TSHZ2: variants seen among roughly 807,000 people sequenced by gnomAD.
TSHZ2 encodes the protein teashirt homolog 2.
Under a neutral mutation model 74.4 loss-of-function variants are expected in TSHZ2, and 21 were observed. The observed-to-expected ratio is 0.28, with a 90% CI of 0.20 to 0.41. TSHZ2 has a LOEUF of 0.41. Ranked by LOEUF, TSHZ2 falls within the 10% of genes least tolerant of loss-of-function variation. The probability of loss-of-function intolerance (pLI) is 1.00; values close to 1 mark genes in which losing one functional copy is unlikely to be tolerated. For synonymous variants in TSHZ2, 540 were observed against 515.3 expected (o/e 1.05, Z -0.65); for missense variants, 1,244 against 1,293.5 (o/e 0.96, Z 0.59).
intron 1 of TSHZ2, among the ~76,000 whole-genome samples, chr20:53,173,299 G>T (rs943220597): frequency 2.8e-4 from 42 of 152,168 alleles, no homozygotes; most frequent in Admixed American, 1.3e-4. Flanking sequence ...AAAATGCTAG[G>T]TAAGTATTTA....
In TSHZ2 at chr20:53,255,777, G is replaced by C. The variant is rs1243752084; in HGVS notation, c.2319G>C (p.Lys773Asn). Residue 773 changes from lysine to asparagine, a missense_variant, in exon 2 of 3, where the codon AAG becomes AAC. By Grantham distance (94) the Lys-to-Asn change is moderately conservative. This residue lies in a region of TSHZ2 where 562 missense variants were observed against 544.0 expected (regional missense o/e 1.03). Coordinates refer to ENST00000371497, the MANE Select transcript of TSHZ2 (RefSeq NM_173485.6). This position sits in a 1 kb window ranked among gnomAD's most constrained non-coding sequence, Gnocchi z 4.1. ...TTGACCTGACCAAGTCCAAAAGCAA[G>C]AAAGCCGAGTCCTCGCAAGCACAAT... ...QPIDLTKSKS[K>N]KAESSQAQSC... 6.2e-7 allele frequency: 1 copy of C among 1,614,014 alleles called. No individual in the cohort carries two copies. The highest frequency in any genetic ancestry group is 1.1e-5 in the South Asian group (1 of 91,050).
intron 2 of TSHZ2, among the ~76,000 whole-genome samples, chr20:53,312,672 G>A (rs1301663822): frequency 6.6e-6 from 1 of 152,172 alleles, no homozygotes; most frequent in Non-Finnish European, 1.5e-5. Flanking sequence ...TGAGCACGCT[G>A]TTCCGAGTTC....
chr20:53,068,304 C>A (rs189203995), intron 1 of TSHZ2, among the ~76,000 whole-genome samples: 1 of 152,140 alleles, frequency 6.6e-6, no homozygotes, highest in Non-Finnish European at 1.5e-5. Context: ...GTCTATGGAT[C>A]CCGAGTCCTG....
chr20:53,381,471 T>A (rs1435177849), intron 2 of TSHZ2, among the ~76,000 whole-genome samples: 1 of 152,208 alleles, frequency 6.6e-6, no homozygotes, highest in Non-Finnish European at 1.5e-5. Flanking sequence ...GCTTGCTCCC[T>A]GGTAAGGAAA....
intron 1 of TSHZ2, among the ~76,000 whole-genome samples, chr20:53,225,259 C>T (rs1984775773): frequency 6.6e-6 from 1 of 152,206 alleles, no homozygotes; most frequent in South Asian, 2.1e-4. Flanking sequence ...TTCCCACTCA[C>T]CTCCTCCCAT....
intron 2 of TSHZ2, among the ~76,000 whole-genome samples, chr20:53,468,248 A>G (rs1222453049): frequency 6.6e-6 from 1 of 152,228 alleles, no homozygotes; most frequent in African/African-American, 2.4e-5. Context: ...TCAGCAGTTA[A>G]GACTCCATAA....
At chr20:53,027,579 G>A (rs945344306) in intron 1 of TSHZ2, among the ~76,000 whole-genome samples, 5 of 152,182 alleles carry the variant, frequency 3.3e-5, no homozygotes, top group African/African-American at 7.2e-5. Flanking sequence ...AAGACGCTGC[G>A]TTCAAGGTAC....
intron 1 of TSHZ2, among the ~76,000 whole-genome samples, chr20:53,174,881 T>C (rs1568795143): frequency 6.6e-6 from 1 of 152,022 alleles, no homozygotes; most frequent in Non-Finnish European, 1.5e-5. Flanking sequence ...AAGGAGGAAA[T>C]GGATCAAGAG....
In TSHZ2 at chr20:53,427,356, T is replaced by C. The variant is rs539896657; in HGVS notation, c.*9-59788T>C. 1.8e-4 allele frequency among the ~76,000 whole-genome samples: 28 copies of C among 152,328 alleles called. No homozygotes were observed. In the East Asian group the frequency reaches 5.0e-3, roughly 27 times the overall value. On this transcript the variant is annotated intron_variant, in intron 2 of 2. Coordinates refer to ENST00000371497, the MANE Select transcript of TSHZ2 (RefSeq NM_173485.6). Reference sequence around the variant, plus strand: ...CTACTCATAAAGAGAATCAAACCTTTGTGGAGAGACGCGAGGTATGATTTC... The same window carrying C: ...CTACTCATAAAGAGAATCAAACCTTCGTGGAGAGACGCGAGGTATGATTTC...
intron 1 of TSHZ2, among the ~76,000 whole-genome samples, chr20:53,170,692 TG>T (rs1988177988): frequency 6.6e-6 from 1 of 152,270 alleles, no homozygotes; most frequent in Admixed American, 6.5e-5. Flanking sequence ...ATGTGTGGTA[TG>T]AAAAAAGGTT....
chr20:53,002,910 G>T (rs1033567647), intron 1 of TSHZ2, among the ~76,000 whole-genome samples: 2 of 152,094 alleles, frequency 1.3e-5, no homozygotes, highest in Admixed American at 1.3e-4. Context: ...CATTCCCAGG[G>T]CCTATTGATT....
At chr20:53,175,770 G>A (rs772371068) in intron 1 of TSHZ2, among the ~76,000 whole-genome samples, 1 of 152,134 alleles carries the variant, frequency 6.6e-6, no homozygotes, top group Non-Finnish European at 1.5e-5. Flanking sequence ...CAGATTGGTG[G>A]TACCCCGACC....
At chr20:53,083,986 AT>A (rs1295787271) in intron 1 of TSHZ2, among the ~76,000 whole-genome samples, 2 of 151,970 alleles carry the variant, frequency 1.3e-5, no homozygotes, top group African/African-American at 4.8e-5. Context: ...AGTTTCTCTG[AT>A]TTAAAAAAAC....
chr20:53,154,877 T>C (rs1160572232), intron 1 of TSHZ2, among the ~76,000 whole-genome samples: 2 of 152,164 alleles, frequency 1.3e-5, no homozygotes, highest in African/African-American at 4.8e-5. Context: ...GCTTATGCCA[T>C]CATCATTATC....
chr20:53,000,659 A>G (rs1982375722), intron 1 of TSHZ2, among the ~76,000 whole-genome samples: 1 of 152,236 alleles, frequency 6.6e-6, no homozygotes, highest in Non-Finnish European at 1.5e-5. Flanking sequence ...ATAGGATCAG[A>G]AAGTGGGATG....
intron 2 of TSHZ2, among the ~76,000 whole-genome samples, chr20:53,472,826 G>A (rs981436705): frequency 6.6e-6 from 1 of 151,952 alleles, no homozygotes; most frequent in African/African-American, 2.4e-5. Flanking sequence ...GAAGCAGGGT[G>A]AGGCATTGCC....
At chr20:53,391,234 C>T (rs1982243600) in intron 2 of TSHZ2, among the ~76,000 whole-genome samples, 1 of 152,154 alleles carries the variant, frequency 6.6e-6, no homozygotes, top group South Asian at 2.1e-4. Flanking sequence ...GCAAGCTCCG[C>T]CTCCTGGGTT....
chr20:53,308,260 T>A (rs1223820878), intron 2 of TSHZ2, among the ~76,000 whole-genome samples: 1 of 152,242 alleles, frequency 6.6e-6, no homozygotes, highest in Non-Finnish European at 1.5e-5. Flanking sequence ...TTTTGCAGTC[T>A]CTGCTTTCTT....
chr20:53,478,157 A>G (rs1986038037), intron 2 of TSHZ2, among the ~76,000 whole-genome samples: 1 of 150,294 alleles, frequency 6.7e-6, no homozygotes, highest in African/African-American at 2.5e-5. Flanking sequence ...CCATCCCATT[A>G]CTGGGTATAT....
Sources: gnomAD v4.1 joint callset for allele counts (sites outside exome capture counted in the v4.1 genomes callset) on GRCh38, gnomAD v4.1.1 for gene constraint, gnomAD v4.1.1 regional missense constraint, Gnocchi (gnomAD v3.1) non-coding constraint, MANE v1.5 for transcripts, NCBI Gene and HGNC (gene_info 2026-07-23, HGNC 2026-07-21) for gene names.